The following FKBP15 variants were observed in gnomAD, a reference collection of about 807,000 sequenced individuals.
FKBP15 encodes FKBP prolyl isomerase family member 15.
A neutral mutation model predicts 158.1 loss-of-function variants in FKBP15; 106 were observed. The observed-to-expected ratio is 0.67, with a 90% CI of 0.57 to 0.79. The LOEUF is 0.79. Among genes scored for constraint, FKBP15 ranks in the 30% least tolerant of loss-of-function variants. The pLI is 0.00. For missense variants in FKBP15, 1,287 were observed against 1,479.1 expected (o/e 0.87, Z 2.13); for synonymous variants, 547 against 548.6 (o/e 1.00, Z 0.04).
At chr9:113,195,058 T>A (rs1830645612) in intron 9 of FKBP15, among the ~76,000 whole-genome samples, 1 of 152,220 alleles carries the variant, frequency 6.6e-6, no homozygotes, top group Non-Finnish European at 1.5e-5. Context: ...AAAGGGATGC[T>A]CATTTTGAAA....
intron 6 of FKBP15, 142 bp downstream of exon 6, chr9:113,202,389 C>T (rs959722252): frequency 3.9e-6 from 2 of 517,686 alleles, no homozygotes; most frequent in Admixed American, 6.2e-5. Context: ...TACAATAGGC[C>T]GAAGTGGCAA....
At chr9:113,193,904 T>C (rs1270423542) in intron 10 of FKBP15, 123 bp downstream of exon 10, 2 of 1,195,234 alleles carry the variant, frequency 1.7e-6, no homozygotes, top group Non-Finnish European at 2.2e-6. Context: ...CCCATTTCCC[T>C]GATCCCATTT....
Position 113,198,812 on chromosome 9 carries a change from C to T in FKBP15, c.717+43G>A. 1 of 1,352,730 alleles carries T rather than the reference C, an allele frequency of 7.4e-7. No homozygotes were observed. The highest frequency in any genetic ancestry group is 1.0e-6 in the Non-Finnish European group (1 of 971,274). 83.8% of individuals were successfully genotyped at this position (1,352,730 alleles called of 1,614,324 possible). A position where few individuals can be genotyped will look rare whatever the true frequency, so the allele number is the denominator to read the frequency against. On this transcript the variant is annotated intron_variant, in intron 8 of 27. Transcript: ENST00000238256. The surrounding 1 kb of genome is among the most constrained non-coding windows in gnomAD (Gnocchi z 5.2). ...CAAAATTTAATCTAAGTTAAACCCA[C>T]TGCAACTGATAAAACCATAAAAAAA...
At chr9:113,201,653 G>A (rs1241260972) in intron 6 of FKBP15, among the ~76,000 whole-genome samples, 1 of 152,202 alleles carries the variant, frequency 6.6e-6, no homozygotes, top group Non-Finnish European at 1.5e-5. Flanking sequence ...ACCCAGAAGA[G>A]GGTCTCACTA....
chr9:113,199,060 A>G, intron 7 of FKBP15, 137 bp from the exon 8 acceptor site: 3 of 618,598 alleles, frequency 4.8e-6, no homozygotes, highest in African/African-American at 3.7e-5. Context: ...TAGTTTCTAA[A>G]GGACCTGAAA....
intron 1 of FKBP15, among the ~76,000 whole-genome samples, chr9:113,215,636 ATATATATATTTTTT>A (rs1831110004): frequency 8.6e-6 from 1 of 116,256 alleles, no homozygotes; most frequent in Non-Finnish European, 1.7e-5. Flanking sequence ...ATATATATAT[ATATATATATTTTTT>A]TTTTTTTTTT....
At chr9:113,220,812 T>C (rs1380744439) in intron 1 of FKBP15, among the ~76,000 whole-genome samples, 2 of 152,224 alleles carry the variant, frequency 1.3e-5, no homozygotes, top group Admixed American at 6.5e-5. Context: ...CACCAAGGCC[T>C]GGTTCTAAAG....
intron 27 of FKBP15, among the ~76,000 whole-genome samples, chr9:113,167,861 G>C (rs1830122389): frequency 6.7e-6 from 1 of 148,568 alleles, no homozygotes; most frequent in South Asian, 2.1e-4. Context: ...CTTCACTCTT[G>C]TTCTGTGAAG....
intron 1 of FKBP15, among the ~76,000 whole-genome samples, chr9:113,215,626 A>G (rs62576139): frequency 0.095 from 10,172 of 107,066 alleles, 470 homozygotes; most frequent in East Asian, 0.19. Flanking sequence ...GTGTGTGTGT[A>G]TATATATATA....
At chr9:113,183,716 T>G in intron 18 of FKBP15, 35 bp downstream of exon 18, 2 of 1,422,816 alleles carry the variant, frequency 1.4e-6, no homozygotes, top group East Asian at 2.3e-5. Flanking sequence ...TAAACCCTTT[T>G]GTCCATCCTA....
Position 113,183,877 on chromosome 9 carries a change from G to A in FKBP15, c.1717-32C>T, listed in dbSNP as rs1407400543. ...TCAAAATATATGATGTACAATTTAA[G>A]TGTCTTGGGAGAAAAGTGCCAGATA... On this transcript the variant is annotated intron_variant, in intron 17 of 27. Transcript: ENST00000238256. The A allele has an allele frequency of 6.5e-6, 10 of 1,538,436 alleles. No homozygotes were observed. The African/African-American group carries it at 6.8e-5, about 10-fold the overall frequency.
At chr9:113,180,710 T>A (rs917600314) in intron 19 of FKBP15, among the ~76,000 whole-genome samples, 9 of 152,206 alleles carry the variant, frequency 5.9e-5, no homozygotes, top group Non-Finnish European at 4.4e-5. Flanking sequence ...TATGCAGGTC[T>A]TTTACCCTTT....
chr9:113,213,333 A>G (rs4129396), intron 1 of FKBP15, among the ~76,000 whole-genome samples: 71,498 of 151,524 alleles, frequency 0.47, 17,188 homozygotes, highest in South Asian at 0.58. Context: ...CGCCTGAACC[A>G]AGGAGGCAGA....
intron 1 of FKBP15, among the ~76,000 whole-genome samples, chr9:113,213,198 C>T (rs1464404697): frequency 6.6e-6 from 1 of 152,154 alleles, no homozygotes; most frequent in East Asian, 1.9e-4. Context: ...CACTTGAGGT[C>T]AGGCGTTCGA....
intron 27 of FKBP15, among the ~76,000 whole-genome samples, chr9:113,167,462 G>A (rs1830116455): frequency 6.6e-6 from 1 of 151,984 alleles, no homozygotes; most frequent in African/African-American, 2.4e-5. Context: ...TTGCTATTCT[G>A]GATTCTCAAA....
In FKBP15 at chr9:113,173,592, T is replaced by C; in HGVS notation, c.2393A>G (p.Gln798Arg). The C allele has an allele frequency of 1.2e-6, 2 of 1,613,786 alleles. No homozygotes were observed. Among genetic ancestry groups the C allele is most frequent in the Non-Finnish European group, 1.7e-6 (2 of 1,179,820 alleles). The change falls in exon 23 of 28, where the codon CAG (glutamine) becomes CGG (arginine). Residue 798 changes from glutamine (Q) to arginine (R), a missense_variant. Gln to Arg is a conservative substitution (Grantham distance 43). Transcript: ENST00000238256. ...TTCCCACTGGGTCTGTAGCTCAGCC[T>C]GTACTAAAGACAGCTGCCAAGAGAA... ...QAAAEQLSLV[Q>R]AELQTQWEAK... is the part of the protein sequence containing the mutation.
rs1830901844 is a variant in FKBP15 at position 113,207,055 on chromosome 9, G to C, written c.254+157C>G. ...TAATGGCTTTTCAAGTTTTACCACA[G>C]AAATCTCCAATTCAGATGTTAAAAG... On this transcript the variant is annotated intron_variant, in intron 3 of 27. Coordinates refer to ENST00000238256, the MANE Select transcript of FKBP15 (RefSeq NM_015258.2). The C allele has an allele frequency of 4.8e-6, 3 of 623,696 alleles. No homozygotes were observed. In the South Asian group the frequency reaches 6.0e-5, roughly 12 times the overall value. 38.6% of individuals were successfully genotyped at this position (623,696 alleles called of 1,614,324 possible).
intron 27 of FKBP15, among the ~76,000 whole-genome samples, chr9:113,167,577 T>C (rs1830117684): frequency 6.6e-6 from 1 of 152,164 alleles, no homozygotes; most frequent in African/African-American, 2.4e-5. Flanking sequence ...AGCTGGAGCA[T>C]AGATCCATCA....
In FKBP15 at chr9:113,161,497, C is replaced by T. The variant is rs756097780; in HGVS notation, c.*4581G>A. 9 of 1,613,472 alleles carry T rather than the reference C, an allele frequency of 5.6e-6. No homozygotes were observed. Among genetic ancestry groups the T allele is most frequent in the Non-Finnish European group, 7.6e-6 (9 of 1,179,696 alleles). On this transcript the variant is annotated 3_prime_UTR_variant, in exon 28 of 28. Coordinates refer to ENST00000238256, the MANE Select transcript of FKBP15 (RefSeq NM_015258.2). ...CCTGGCCAGGTCTCCACAACTCTGC[C>T]TCCTTTGACAGGCATGGCCCTTTCG...
Sources: gnomAD v4.1 joint callset for allele counts (sites outside exome capture counted in the v4.1 genomes callset) on GRCh38, gnomAD v4.1.1 for gene constraint, Gnocchi (gnomAD v3.1) non-coding constraint, MANE v1.5 for transcripts, NCBI Gene and HGNC (gene_info 2026-07-23, HGNC 2026-07-21) for gene names.